The following FREM3 variants were observed in gnomAD, a reference collection of about 807,000 sequenced individuals.
FREM3 encodes FRAS1-related extracellular matrix protein 3.
In FREM3, 105 loss-of-function variants were observed where a neutral mutation model predicts 129.1. The observed-to-expected ratio is 0.81, with a 90% CI of 0.69 to 0.96. The LOEUF (loss-of-function observed/expected upper bound fraction) is 0.96. Among genes scored for constraint, FREM3 ranks in the 40% least tolerant of loss-of-function variants. The probability of loss-of-function intolerance (pLI) is 0.00; values close to 1 mark genes in which losing one functional copy is unlikely to be tolerated. For missense variants in FREM3, 2,593 were observed against 2,666.3 expected, an observed-to-expected ratio of 0.97 and a Z score of 0.61; for synonymous variants, 1,014 against 1,044.9, an observed-to-expected ratio of 0.97 and a Z score of 0.57.
chr4:143,694,873 A>G (rs1050237786), intron 1 of FREM3, among the ~76,000 whole-genome samples: 4 of 152,250 alleles, frequency 2.6e-5, no homozygotes, highest in Non-Finnish European at 5.9e-5. Flanking sequence ...TAAAAAAGTT[A>G]TGACAACATA....
intron 2 of FREM3, among the ~76,000 whole-genome samples, chr4:143,672,960 T>C (rs1278940890): frequency 1.3e-5 from 2 of 152,226 alleles, no homozygotes; most frequent in African/African-American, 4.8e-5. Flanking sequence ...TTTAAGGACT[T>C]CTCTGCATTG....
chr4:143,582,788 A>G (rs1738169862), intron 7 of FREM3, among the ~76,000 whole-genome samples: 1 of 152,200 alleles, frequency 6.6e-6, no homozygotes, highest in Non-Finnish European at 1.5e-5. Context: ...TGATATAATA[A>G]CTGAAAGATG....
chr4:143,641,749 A>T (rs1234492860), intron 2 of FREM3, among the ~76,000 whole-genome samples: 1 of 152,216 alleles, frequency 6.6e-6, no homozygotes, highest in East Asian at 1.9e-4. Flanking sequence ...TGTTAGTTAA[A>T]TAAAAAGCTT....
At chr4:143,680,484 G>C (rs57336383) in intron 2 of FREM3, among the ~76,000 whole-genome samples, 1,920 of 152,112 alleles carry the variant, frequency 0.013, 29 homozygotes, top group African/African-American at 0.044. Flanking sequence ...ATTATAAGGA[G>C]CTGTAGAAAT....
chr4:143,592,564 T>C (rs900980985), intron 6 of FREM3, among the ~76,000 whole-genome samples: 1 of 152,208 alleles, frequency 6.6e-6, no homozygotes, highest in Admixed American at 6.5e-5. Context: ...TGTTGAATAT[T>C]GGCCCCCTCT....
At chr4:143,655,082 G>T (rs1739576694) in intron 2 of FREM3, among the ~76,000 whole-genome samples, 1 of 152,122 alleles carries the variant, frequency 6.6e-6, no homozygotes, top group Non-Finnish European at 1.5e-5. Flanking sequence ...TCAGGGAGGG[G>T]TGCAAGGCAG....
At chr4:143,618,931 A>T (rs543556063) in intron 5 of FREM3, among the ~76,000 whole-genome samples, 131 of 152,256 alleles carry the variant, frequency 8.6e-4, no homozygotes, top group African/African-American at 3.0e-3. Context: ...AACCAACAAC[A>T]AAAAACTCCC....
At chr4:143,629,697 A>T (rs1312342621) in intron 2 of FREM3, among the ~76,000 whole-genome samples, 1 of 152,098 alleles carries the variant, frequency 6.6e-6, no homozygotes, top group Non-Finnish European at 1.5e-5. Context: ...TAGTTCTTTT[A>T]TATACTGTCA....
intron 7 of FREM3, among the ~76,000 whole-genome samples, chr4:143,583,004 A>G (rs1432600788): frequency 4.0e-5 from 6 of 151,056 alleles, no homozygotes; most frequent in Non-Finnish European, 2.9e-5. Flanking sequence ...CCTCAGTCTT[A>G]CAACTAGCTT....
At chr4:143,645,677 C>G (rs183438721) in intron 2 of FREM3, among the ~76,000 whole-genome samples, 2 of 152,316 alleles carry the variant, frequency 1.3e-5, no homozygotes, top group East Asian at 3.9e-4. Flanking sequence ...GCCTTTCCTA[C>G]AGATTTTGTA....
chr4:143,590,713 T>A (rs1484086935), intron 6 of FREM3, among the ~76,000 whole-genome samples: 5 of 152,196 alleles, frequency 3.3e-5, no homozygotes, highest in African/African-American at 1.2e-4. Context: ...TTTTGCTGTG[T>A]CTCTGCCAGG....
intron 6 of FREM3, among the ~76,000 whole-genome samples, chr4:143,587,737 T>G (rs953629382): frequency 2.2e-5 from 2 of 88,948 alleles, no homozygotes; most frequent in African/African-American, 8.9e-5. Context: ...ATCCTGTTTA[T>G]CATGGGCACT....
rs1049048822 is a variant in FREM3 at position 143,697,829 on chromosome 4, A to G, written c.2847T>C (p.Ser949=). The stretch of plus-strand genomic sequence containing the variant: ...CTATAGAAACATCCAATAATGAACT[A>G]CTTCTGAGAGAGATCCTAGGACTTC... ...ANRSPRISLR[S]SSLLDVSIDV... is the part of the protein sequence containing the mutation. The change falls in exon 1 of 8, where the codon AGT becomes AGC. Residue 949 remains serine (S), a synonymous_variant. Coordinates refer to ENST00000329798, the MANE Select transcript of FREM3 (RefSeq NM_001168235.2). The G allele has an allele frequency of 2.0e-5, 31 of 1,537,610 alleles. No individual in the cohort carries two copies. Among genetic ancestry groups the G allele is most frequent in the Non-Finnish European group, 2.4e-5 (28 of 1,147,040 alleles).
chr4:143,637,595 A>G (rs962307385), intron 2 of FREM3, among the ~76,000 whole-genome samples: 6 of 151,998 alleles, frequency 3.9e-5, no homozygotes, highest in African/African-American at 1.2e-4. Context: ...GCCACCACTC[A>G]CATCCTGGAG....
chr4:143,693,258 T>C (rs574520854), intron 1 of FREM3, 56 bp from the exon 2 acceptor site: 2 of 820,838 alleles, frequency 2.4e-6, no homozygotes, highest in Admixed American at 3.1e-5. Flanking sequence ...AAAATGAGTA[T>C]GTTAACAACT....
At chr4:143,609,033 A>C (rs1443245870) in intron 6 of FREM3, among the ~76,000 whole-genome samples, 1 of 152,176 alleles carries the variant, frequency 6.6e-6, no homozygotes, top group Admixed American at 6.5e-5. Context: ...ATGACTTAAG[A>C]ATCATAGAAT....
intron 2 of FREM3, among the ~76,000 whole-genome samples, chr4:143,637,257 T>C (rs1739247556): frequency 6.6e-6 from 1 of 152,128 alleles, no homozygotes; most frequent in Admixed American, 6.6e-5. Context: ...AATATAATGG[T>C]CTTTTTTTCC....
rs967337405 is a variant in FREM3 at position 143,585,347 on chromosome 4, T to C, written c.6178+497A>G. ...CTAGAGGAAATGATATCTAGAATTG[T>C]GCCATGCTGTCAGCTAGGCCTTGAT... On this transcript the variant is annotated intron_variant, in intron 7 of 7. Transcript: ENST00000329798. This position sits in a 1 kb window ranked among gnomAD's most constrained non-coding sequence, Gnocchi z 4.2. 6.6e-6 allele frequency among the ~76,000 whole-genome samples: 1 copy of C among 152,206 alleles called. No homozygotes were observed. Among genetic ancestry groups the C allele is most frequent in the Non-Finnish European group, 1.5e-5 (1 of 68,028 alleles).
intron 2 of FREM3, among the ~76,000 whole-genome samples, chr4:143,637,552 C>T (rs371504776): frequency 6.6e-6 from 1 of 152,106 alleles, no homozygotes; most frequent in Non-Finnish European, 1.5e-5. Flanking sequence ...TTCACCGGGT[C>T]TCCCTGATTG....
Sources: gnomAD v4.1 joint callset for allele counts (sites outside exome capture counted in the v4.1 genomes callset) on GRCh38, gnomAD v4.1.1 for gene constraint, Gnocchi (gnomAD v3.1) non-coding constraint, MANE v1.5 for transcripts, NCBI Gene and HGNC (gene_info 2026-07-23, HGNC 2026-07-21) for gene names.